Variants in RCOR2 observed in about 807,000 individuals in gnomAD.
RCOR2 encodes REST corepressor 2.
A neutral mutation model predicts 58.9 loss-of-function variants in RCOR2; 19 were observed. The ratio of observed to expected loss-of-function variants is 0.32; its 90% CI spans 0.23 to 0.47. RCOR2 has a LOEUF of 0.47. Among genes scored for constraint, RCOR2 ranks in the 20% least tolerant of loss-of-function variants. RCOR2 has a pLI of 1.00. For missense variants in RCOR2, 590 were observed against 707.9 expected, an observed-to-expected ratio of 0.83 and a Z score of 1.89; for synonymous variants, 286 against 278.7, an observed-to-expected ratio of 1.03 and a Z score of -0.26.
At chr11:63,914,990 G>A (rs1941836225) in intron 3 of RCOR2, 36 bp from the exon 4 acceptor site, 2 of 1,612,342 alleles carry the variant, frequency 1.2e-6, no homozygotes, top group Non-Finnish European at 1.7e-6. Context: ...TTGGTGAAGG[G>A]GGTTATAGCT....
chr11:63,927,475 C>A, the RCOR2 span, among the ~76,000 whole-genome samples: 1,527 of 152,078 alleles, frequency 0.01, 12 homozygotes, highest in Non-Finnish European at 0.016. Context: ...TGCTATGCTG[C>A]CCAGCCTAGT....
In RCOR2 at chr11:63,913,051, C is replaced by T. The variant is rs183098692; in HGVS notation, c.892-104G>A. 444 of 954,460 alleles carry T rather than the reference C, an allele frequency of 4.7e-4. 2 individuals are homozygous for T. In the African/African-American group the frequency reaches 5.0e-3, roughly 11 times the overall value. 59.1% of individuals were successfully genotyped at this position (954,460 alleles called of 1,614,324 possible). ...TGCACAGACACCAGCACCACTGCCCCGGCAAAGCTTTCTGCCATCCACCAT... is the reference window on the plus strand; with the variant it reads ...TGCACAGACACCAGCACCACTGCCCTGGCAAAGCTTTCTGCCATCCACCAT... On this transcript the variant is annotated intron_variant, in intron 8 of 11. Coordinates refer to ENST00000301459, the MANE Select transcript of RCOR2 (RefSeq NM_173587.4).
chr11:63,916,661 G>T lies in RCOR2; in HGVS notation c.-205C>A. On this transcript the variant is annotated 5_prime_UTR_variant, in exon 1 of 12. Coordinates refer to ENST00000301459, the MANE Select transcript of RCOR2 (RefSeq NM_173587.4). The stretch of plus-strand genomic sequence containing the variant: ...CTCTCCACGACCCCCACGAGCCAGG[G>T]CGTCAGAAAAGTTTGTGCAGAAGTG... The T allele has an allele frequency of 1.2e-6, 1 of 861,690 alleles. No homozygotes were observed. Among genetic ancestry groups the T allele is most frequent in the Non-Finnish European group, 1.7e-6 (1 of 585,120 alleles). The allele number at this position is 861,690 out of a possible 1,614,324, so 53.4% of individuals were successfully genotyped here.
the RCOR2 span, among the ~76,000 whole-genome samples, chr11:63,924,442 G>A: frequency 2.0e-4 from 31 of 152,136 alleles, no homozygotes; most frequent in Non-Finnish European, 2.9e-5. Flanking sequence ...ATCCTGACCT[G>A]AAGTGATCTG....
At chr11:63,913,247 C>T (rs4980532) in intron 8 of RCOR2, among the ~76,000 whole-genome samples, 69,322 of 137,068 alleles carry the variant, frequency 0.51, 18,901 homozygotes, top group East Asian at 0.89. Flanking sequence ...AGTGCAATGG[C>T]GCAATCTCAG....
chr11:63,924,463 C>G, the RCOR2 span, among the ~76,000 whole-genome samples: 1 of 152,192 alleles, frequency 6.6e-6, no homozygotes, highest in South Asian at 2.1e-4. Flanking sequence ...CCTACCTAGG[C>G]TTCCCAAATT....
Position 63,917,067 on chromosome 11 carries a change from G to A in RCOR2, c.-611C>T, listed in dbSNP as rs1941869409. Among the ~76,000 whole-genome samples the A allele has an allele frequency of 6.7e-6, 1 of 150,166 alleles. No homozygotes were observed. The highest frequency in any genetic ancestry group is 2.4e-5 in the African/African-American group (1 of 41,220). ...CGGGCGGAGCGCAGCCGCGGGTGCC[G>A]CCTCGCACCCTCCCCGGCGCGCTCG... is the stretch of plus-strand genomic sequence containing the variant. On this transcript the variant is annotated 5_prime_UTR_variant, in exon 1 of 12. Coordinates refer to ENST00000301459, the MANE Select transcript of RCOR2 (RefSeq NM_173587.4).
chr11:63,914,745 TG>T lies in RCOR2; in HGVS notation c.389del (p.Pro130HisfsTer8). On this transcript the variant is annotated frameshift_variant, in exon 5 of 12. Transcript: ENST00000301459. LOFTEE classifies it high-confidence loss of function. ...CCTCTACTGTCCACTCGTCAGGGAA[TG>T]GGGTGAAGTTGGCCAGGTCGGCCAG... Reference protein sequence around the residue: ...KSLADLANFTPFPDEWTVEDK... With the variant: ...KSLADLANFTXFPDEWTVEDK... 6.2e-7 allele frequency: 1 copy of T among 1,613,490 alleles called. No individual in the cohort carries two copies. The highest frequency in any genetic ancestry group is 1.1e-5 in the South Asian group (1 of 91,072).
upstream of RCOR2, among the ~76,000 whole-genome samples, chr11:63,921,892 G>T (rs909903952): frequency 3.9e-5 from 6 of 152,158 alleles, no homozygotes; most frequent in Admixed American, 3.3e-4. Flanking sequence ...CTCAACTATG[G>T]GTTGAACATT....
intron 8 of RCOR2, 99 bp from the exon 9 acceptor site, chr11:63,913,046 T>G: frequency 1.0e-6 from 1 of 997,960 alleles, no homozygotes; most frequent in Non-Finnish European, 1.5e-6. Flanking sequence ...CCAGCACCAC[T>G]GCCCCGGCAA....
In RCOR2 at chr11:63,911,896, G is replaced by T. The variant is rs1440041088; in HGVS notation, c.1541C>A (p.Thr514Asn). ...TGAGGGTGCTGGGGGCTCCAGAGGG[G>T]TTCCAATCAGGGTGGGTGGGGGCTG... ...GPQPPPTLIG[T>N]PLEPPAPSL Residue 514 changes from threonine to asparagine, a missense_variant, in exon 12 of 12, where the codon ACC becomes AAC. By Grantham distance (65) the Thr-to-Asn change is moderately conservative. Transcript: ENST00000301459. 5 of 1,216,460 alleles carry T rather than the reference G, an allele frequency of 4.1e-6. No homozygotes were observed. In the African/African-American group the frequency reaches 4.9e-5, roughly 12 times the overall value. The allele number at this position is 1,216,460 out of a possible 1,614,324, so 75.4% of individuals were successfully genotyped here. A position where few individuals can be genotyped will look rare whatever the true frequency, so the allele number is the denominator to read the frequency against.
chr11:63,915,404 C>G (rs1941841440), intron 2 of RCOR2, 146 bp from the exon 3 acceptor site: 2 of 1,099,102 alleles, frequency 1.8e-6, no homozygotes, highest in Admixed American at 4.1e-5. Context: ...GACAGGAAGG[C>G]AGGGCAGGAA....
Position 63,912,096 on chromosome 11 carries a change from G to A in RCOR2, c.1341C>T (p.Ser447=). ...GTGGCCTCAGCAGCGGGGGTGGCTG[G>A]GACAGCGAGGTGGGAGGTGGAGGGG... is the stretch of plus-strand genomic sequence containing the variant. ...PPPPPPPTSL[S]QPPPLLRPPL... Residue 447 remains serine (S), a synonymous_variant, in exon 12 of 12, where the codon TCC becomes TCT. Coordinates refer to ENST00000301459, the MANE Select transcript of RCOR2 (RefSeq NM_173587.4). 1 of 1,505,080 alleles carries A rather than the reference G, an allele frequency of 6.6e-7. No individual in the cohort carries two copies. Among genetic ancestry groups the A allele is most frequent in the South Asian group, 1.3e-5 (1 of 79,562 alleles). 93.2% of individuals were successfully genotyped at this position (1,505,080 alleles called of 1,614,324 possible).
chr11:63,918,642 C>T (rs1941894127), upstream of RCOR2, among the ~76,000 whole-genome samples: 1 of 152,166 alleles, frequency 6.6e-6, no homozygotes, highest in South Asian at 2.1e-4. Flanking sequence ...GCCGACCCCT[C>T]CTAAGTGGCA....
chr11:63,924,828 C>T, the RCOR2 span, among the ~76,000 whole-genome samples: 1 of 149,688 alleles, frequency 6.7e-6, no homozygotes. Context: ...TGATTACAGG[C>T]ACATGCTACC....
chr11:63,912,428 A>G lies in RCOR2; in HGVS notation c.1134T>C (p.Asn378=), dbSNP rs751633854. ...CCCATTCCTGCAGCACCTCCTCCAG[A>G]TTGAAGCGGCGCCGGTAGCTCACAA... is the stretch of plus-strand genomic sequence containing the variant. The part of the protein sequence containing the change: ...TFFVSYRRRF[N]LEEVLQEWEA... The change falls in exon 11 of 12, where the codon AAT becomes AAC. Residue 378 remains asparagine (N), a synonymous_variant. Transcript: ENST00000301459. 1.2e-6 allele frequency: 2 copies of G among 1,613,880 alleles called. No homozygotes were observed. The highest frequency in any genetic ancestry group is 8.5e-7 in the Non-Finnish European group (1 of 1,179,960).
At chr11:63,916,273 G>T in intron 1 of RCOR2, 57 bp downstream of exon 1, 1 of 1,203,566 alleles carries the variant, frequency 8.3e-7, no homozygotes. Flanking sequence ...TCCCCCTCCC[G>T]CCCCACTCCG....
intron 2 of RCOR2, 114 bp downstream of exon 2, chr11:63,915,440 AC>A: frequency 8.1e-7 from 1 of 1,228,492 alleles, no homozygotes; most frequent in Non-Finnish European, 1.2e-6. Flanking sequence ...GGGGCCACCC[AC>A]CCCTGCCAGC....
intron 8 of RCOR2, 60 bp from the exon 9 acceptor site, chr11:63,913,007 C>T (rs1941799964): frequency 7.2e-7 from 1 of 1,396,300 alleles, no homozygotes. Context: ...CCACTATGCC[C>T]CTCACAGGAC....
Sources: allele counts gnomAD v4.1 joint callset (sites outside exome capture counted in the v4.1 genomes callset), GRCh38; gene constraint gnomAD v4.1.1; transcripts MANE v1.5; gene names NCBI Gene and HGNC (gene_info 2026-07-23, HGNC 2026-07-21).